The following KCNH5 variants were observed in gnomAD, a reference collection of about 807,000 sequenced individuals.
KCNH5 encodes the protein potassium voltage-gated channel subfamily H member 5.
A neutral mutation model predicts 96.1 loss-of-function variants in KCNH5; 46 were observed. That is an observed-to-expected ratio of 0.48 (90% CI 0.38 to 0.61). KCNH5 has a LOEUF of 0.61. Ranked by LOEUF, KCNH5 falls within the 20% of genes least tolerant of loss-of-function variation. The pLI is 0.00. For missense variants in KCNH5, 907 were observed against 1,225.8 expected (o/e 0.74, Z 3.88); for synonymous variants, 439 against 449.8 (o/e 0.98, Z 0.30).
Position 62,958,989 on chromosome 14 carries a change from A to C in KCNH5, c.943-8430T>G, listed in dbSNP as rs117346729. On this transcript the variant is annotated intron_variant, in intron 6 of 10. Coordinates refer to ENST00000322893, the MANE Select transcript of KCNH5 (RefSeq NM_139318.5). ...CATGTCCCTCTCATTAAGCAAAAAA[A>C]ATTAACATACCCCCTCACCCTCCTA... is the stretch of plus-strand genomic sequence containing the variant. 8.6e-3 allele frequency among the ~76,000 whole-genome samples: 1,312 copies of C among 152,198 alleles called. 9 individuals carry two copies. The highest frequency in any genetic ancestry group is 0.043 in the East Asian group (223 of 5,174).
At chr14:62,966,265 G>A (rs1890303744) in intron 6 of KCNH5, among the ~76,000 whole-genome samples, 1 of 152,060 alleles carries the variant, frequency 6.6e-6, no homozygotes, top group Admixed American at 6.6e-5. Flanking sequence ...TACTATCATC[G>A]ATCATGCTTA....
intron 1 of KCNH5, among the ~76,000 whole-genome samples, chr14:63,021,870 T>C (rs763645415): frequency 1.8e-4 from 28 of 152,210 alleles, no homozygotes; most frequent in Non-Finnish European, 2.4e-4. Flanking sequence ...TCTAGTTTTT[T>C]TGCAGGCTCA....
chr14:62,736,805 C>T (rs1024090159), intron 10 of KCNH5, among the ~76,000 whole-genome samples: 21 of 152,130 alleles, frequency 1.4e-4, no homozygotes, highest in East Asian at 1.9e-4. Context: ...TCTTTACTGC[C>T]GAGCCACAGT....
At chr14:62,713,333 G>A (rs1271767885) in intron 10 of KCNH5, among the ~76,000 whole-genome samples, 2 of 152,070 alleles carry the variant, frequency 1.3e-5, no homozygotes, top group Non-Finnish European at 2.9e-5. Flanking sequence ...TTGGAAGCAG[G>A]AGCTATATCA....
intron 10 of KCNH5, among the ~76,000 whole-genome samples, chr14:62,739,390 G>T (rs900808779): frequency 2.6e-5 from 4 of 152,126 alleles, no homozygotes; most frequent in African/African-American, 9.7e-5. Flanking sequence ...AGTTGGCTAA[G>T]GCTCTGTAGG....
chr14:62,817,805 T>TC (rs1210060226), intron 8 of KCNH5, among the ~76,000 whole-genome samples: 1 of 145,922 alleles, frequency 6.9e-6, no homozygotes, highest in Non-Finnish European at 1.5e-5. Context: ...CTATATATAT[T>TC]CTAGGAATAT....
intron 10 of KCNH5, among the ~76,000 whole-genome samples, chr14:62,720,032 A>T (rs1268014235): frequency 1.3e-5 from 2 of 152,196 alleles, no homozygotes; most frequent in Non-Finnish European, 2.9e-5. Flanking sequence ...GGCTACAAAG[A>T]AAAATAAAGT....
chr14:62,980,738 CT>C, intron 6 of KCNH5, 133 bp downstream of exon 6: 1 of 872,424 alleles, frequency 1.1e-6, no homozygotes, highest in Non-Finnish European at 1.7e-6. Flanking sequence ...AATATAATAA[CT>C]TTTGGCAAGG....
intron 10 of KCNH5, among the ~76,000 whole-genome samples, chr14:62,709,106 G>A (rs938614674): frequency 2.6e-5 from 4 of 150,984 alleles, no homozygotes; most frequent in Non-Finnish European, 5.9e-5. Context: ...AGTGGCGGGC[G>A]CCTGTAGTCC....
At chr14:62,795,737 A>C (rs1886528049) in intron 9 of KCNH5, among the ~76,000 whole-genome samples, 2 of 152,262 alleles carry the variant, frequency 1.3e-5, no homozygotes, top group South Asian at 4.1e-4. Flanking sequence ...AAGGAACAAG[A>C]AATTTCAAGT....
chr14:62,804,473 C>T (rs1404142367), intron 8 of KCNH5, among the ~76,000 whole-genome samples: 2 of 152,150 alleles, frequency 1.3e-5, no homozygotes, highest in Admixed American at 1.3e-4. Flanking sequence ...GGATAAGACA[C>T]TGTGTTTGCC....
intron 1 of KCNH5, among the ~76,000 whole-genome samples, chr14:63,032,289 C>G (rs1025805132): frequency 1.3e-5 from 2 of 152,012 alleles, no homozygotes; most frequent in Non-Finnish European, 2.9e-5. Context: ...GCTCTTCCAA[C>G]AGAAACGAAG....
chr14:62,990,531 A>G (rs1374849736), intron 4 of KCNH5, among the ~76,000 whole-genome samples: 2 of 152,108 alleles, frequency 1.3e-5, no homozygotes, highest in Non-Finnish European at 2.9e-5. Context: ...ATGAATAAAA[A>G]TAGGACTATC....
intron 10 of KCNH5, among the ~76,000 whole-genome samples, chr14:62,736,307 C>G (rs1351230187): frequency 6.6e-6 from 1 of 152,060 alleles, no homozygotes; most frequent in Non-Finnish European, 1.5e-5. Flanking sequence ...CACTGGCTTC[C>G]TATCACATTC....
At chr14:62,972,453 T>C (rs1566726665) in intron 6 of KCNH5, among the ~76,000 whole-genome samples, 1 of 152,216 alleles carries the variant, frequency 6.6e-6, no homozygotes, top group Non-Finnish European at 1.5e-5. Flanking sequence ...GAAAGTTTCT[T>C]ACAAAAGTAA....
rs898167590 is a variant in KCNH5, at chr14:62,705,296, G to T, written c.*2212C>A. On this transcript the variant is annotated 3_prime_UTR_variant, in exon 11 of 11. Coordinates refer to ENST00000322893, the MANE Select transcript of KCNH5 (RefSeq NM_139318.5). ...ACCAATAGTTAGTTTTGAAGCACTG[G>T]CTAAAGTTAAACTAACAACTTCTAT... 2.6e-5 allele frequency: 4 copies of T among 151,882 alleles called. No individual in the cohort carries two copies. The highest frequency in any genetic ancestry group is 5.9e-5 in the Non-Finnish European group (4 of 67,828). 9.4% of individuals were successfully genotyped at this position (151,882 alleles called of 1,614,324 possible).
Position 62,701,347 on chromosome 14 carries a change from G to C in KCNH5, c.*6161C>G, listed in dbSNP as rs182752929. On this transcript the variant is annotated 3_prime_UTR_variant, in exon 11 of 11. Transcript: ENST00000322893. ...AGCTATTTAAAAGGCACCACATACA[G>C]AAAACTCATTAAAAGGAAGCAACTG... 6.6e-6 allele frequency: 1 copy of C among 152,252 alleles called. No individual in the cohort carries two copies. The highest frequency in any genetic ancestry group is 2.4e-5 in the African/African-American group (1 of 41,566). 9.4% of individuals were successfully genotyped at this position (152,252 alleles called of 1,614,324 possible). A position where few individuals can be genotyped will look rare whatever the true frequency, so the allele number is the denominator to read the frequency against.
At chr14:62,837,531 A>G (rs1469298753) in intron 8 of KCNH5, among the ~76,000 whole-genome samples, 1 of 152,202 alleles carries the variant, frequency 6.6e-6, no homozygotes, top group African/African-American at 2.4e-5. Context: ...AAAATATTTT[A>G]TTACATAGTA....
chr14:62,734,313 G>A (rs1373881610), intron 10 of KCNH5, among the ~76,000 whole-genome samples: 1 of 152,036 alleles, frequency 6.6e-6, no homozygotes, highest in Non-Finnish European at 1.5e-5. Context: ...CTGTTTCAAG[G>A]CACACGGGAT....
Sources: allele counts gnomAD v4.1 joint callset (sites outside exome capture counted in the v4.1 genomes callset), GRCh38; gene constraint gnomAD v4.1.1; transcripts MANE v1.5; gene names NCBI Gene and HGNC (gene_info 2026-07-23, HGNC 2026-07-21).